RBFOX1: variants seen among roughly 807,000 people sequenced by gnomAD.
RBFOX1 encodes the protein RNA binding protein fox-1 homolog 1.
In RBFOX1, 8 loss-of-function variants were observed where a neutral mutation model predicts 57.7. The observed-to-expected ratio is 0.14, with a 90% CI of 0.08 to 0.25. RBFOX1 has a LOEUF of 0.25. RBFOX1 is among the 10% of genes least tolerant of loss of function. The probability of loss-of-function intolerance (pLI) is 1.00; values close to 1 mark genes in which losing one functional copy is unlikely to be tolerated. For missense variants in RBFOX1, 611 were observed against 548.5 expected (o/e 1.11, Z -1.14); for synonymous variants, 326 against 222.4 (o/e 1.47, Z -4.15).
intron 1 of RBFOX1, among the ~76,000 whole-genome samples, chr16:6,225,616 G>C (rs2097410764): frequency 6.6e-6 from 1 of 152,174 alleles, no homozygotes; most frequent in Admixed American, 6.5e-5. Flanking sequence ...ATGAAAACTG[G>C]AAGAAAGGGA....
intron 3 of RBFOX1, among the ~76,000 whole-genome samples, chr16:6,785,346 C>G (rs887818557): frequency 2.0e-5 from 3 of 152,130 alleles, no homozygotes; most frequent in African/African-American, 4.8e-5. Context: ...CAGCAAATTT[C>G]CCAGTTGCCC....
At chr16:6,498,289 G>A (rs1319896910) in intron 2 of RBFOX1, among the ~76,000 whole-genome samples, 1 of 151,200 alleles carries the variant, frequency 6.6e-6, no homozygotes, top group Non-Finnish European at 1.5e-5. Context: ...ATTCCAGATA[G>A]CTATTCCTAG....
At chr16:7,325,149 C>A (rs1319337289) in intron 4 of RBFOX1, among the ~76,000 whole-genome samples, 1 of 152,198 alleles carries the variant, frequency 6.6e-6, no homozygotes, top group Non-Finnish European at 1.5e-5. Context: ...TCTGTTGTCA[C>A]TATGACAACT....
At chr16:7,420,491 A>C (rs527958044) in intron 4 of RBFOX1, among the ~76,000 whole-genome samples, 1 of 152,318 alleles carries the variant, frequency 6.6e-6, no homozygotes, top group East Asian at 1.9e-4. Flanking sequence ...AAATCGATAC[A>C]TCTCTTGTCA....
intron 10 of RBFOX1, among the ~76,000 whole-genome samples, chr16:7,626,351 C>T (rs984864269): frequency 1.3e-5 from 2 of 152,174 alleles, no homozygotes; most frequent in African/African-American, 4.8e-5. Flanking sequence ...GAAAGGGTTC[C>T]GATGCCCCAT....
chr16:5,338,419 G>A (rs1029704171), intron 1 of RBFOX1, among the ~76,000 whole-genome samples: 1 of 152,170 alleles, frequency 6.6e-6, no homozygotes, highest in African/African-American at 2.4e-5. Context: ...CCAAGGAGAA[G>A]CAGGACAGCT....
At chr16:6,621,473 A>AAAC (rs75290104) in intron 2 of RBFOX1, among the ~76,000 whole-genome samples, 59,967 of 151,462 alleles carry the variant, frequency 0.4, 12,854 homozygotes, top group South Asian at 0.5. Context: ...CAAAACAAAC[A>AAAC]AACAACAACA....
At chr16:6,693,667 C>T (rs1011645507) in intron 3 of RBFOX1, among the ~76,000 whole-genome samples, 1 of 151,472 alleles carries the variant, frequency 6.6e-6, no homozygotes, top group East Asian at 2.0e-4. Flanking sequence ...TCATCATCCT[C>T]ATCTGCTACC....
chr16:6,275,648 A>G (rs971778947), intron 1 of RBFOX1, among the ~76,000 whole-genome samples: 1 of 152,202 alleles, frequency 6.6e-6, no homozygotes, highest in East Asian at 1.9e-4. Flanking sequence ...TGATGATAGT[A>G]CTACATTATT....
At chr16:7,109,215 C>G (rs1464257857) in intron 4 of RBFOX1, among the ~76,000 whole-genome samples, 2 of 152,024 alleles carry the variant, frequency 1.3e-5, no homozygotes, top group Non-Finnish European at 2.9e-5. Flanking sequence ...ATAAAGGATA[C>G]CAGTAGATTT....
chr16:6,687,175 T>TG (rs2059558846), intron 3 of RBFOX1, among the ~76,000 whole-genome samples: 1 of 152,194 alleles, frequency 6.6e-6, no homozygotes, highest in Non-Finnish European at 1.5e-5. Flanking sequence ...TTTGAATTCT[T>TG]GGTTTTAACA....
chr16:7,668,951 T>A (rs914154132), intron 13 of RBFOX1, among the ~76,000 whole-genome samples: 1 of 152,210 alleles, frequency 6.6e-6, no homozygotes, highest in African/African-American at 2.4e-5. Flanking sequence ...TCGCCCAGGC[T>A]GGAGCACAGT....
intron 1 of RBFOX1, among the ~76,000 whole-genome samples, chr16:6,264,758 T>C (rs2097722837): frequency 6.6e-6 from 1 of 152,206 alleles, no homozygotes; most frequent in Admixed American, 6.5e-5. Context: ...TTTTGCAGCC[T>C]ATGTTGTCTT....
At chr16:6,609,604 A>T (rs2098009527) in intron 2 of RBFOX1, among the ~76,000 whole-genome samples, 1 of 152,146 alleles carries the variant, frequency 6.6e-6, no homozygotes, top group Non-Finnish European at 1.5e-5. Context: ...TTAAAAAAAA[A>T]TTTGTTTATT....
chr16:7,505,882 T>C (rs190117056), intron 4 of RBFOX1, among the ~76,000 whole-genome samples: 138 of 152,276 alleles, frequency 9.1e-4, no homozygotes, highest in African/African-American at 3.0e-3. Context: ...TTTAGAGTTC[T>C]TTGTTCAAGA....
intron 1 of RBFOX1, among the ~76,000 whole-genome samples, chr16:6,245,894 T>C (rs1374110635): frequency 1.3e-5 from 2 of 152,178 alleles, no homozygotes; most frequent in Non-Finnish European, 2.9e-5. Context: ...AGTATCTTAT[T>C]CTCATGTCCT....
At chr16:6,911,399 G>C (rs938684236) in intron 3 of RBFOX1, among the ~76,000 whole-genome samples, 2 of 152,156 alleles carry the variant, frequency 1.3e-5, no homozygotes, top group African/African-American at 4.8e-5. Context: ...GGAGGAATCT[G>C]TTCCATGCCC....
intron 4 of RBFOX1, among the ~76,000 whole-genome samples, chr16:7,435,793 C>G (rs973814647): frequency 1.3e-5 from 2 of 152,168 alleles, no homozygotes; most frequent in South Asian, 2.1e-4. Context: ...GCCACAGTGC[C>G]AGATCCTGTG....
At chr16:7,106,017 A>C (rs1469377440) in intron 4 of RBFOX1, among the ~76,000 whole-genome samples, 1 of 152,188 alleles carries the variant, frequency 6.6e-6, no homozygotes, top group Non-Finnish European at 1.5e-5. Context: ...TTCTTACAGC[A>C]CAACTCTCTG....
Sources: allele counts gnomAD v4.1 joint callset (sites outside exome capture counted in the v4.1 genomes callset), GRCh38; gene constraint gnomAD v4.1.1; transcripts MANE v1.5; gene names NCBI Gene and HGNC (gene_info 2026-07-23, HGNC 2026-07-21).